DLGAP1: variants seen among roughly 807,000 people sequenced by gnomAD.
DLGAP1 encodes DLG associated protein 1.
In DLGAP1, 11 loss-of-function variants were observed where a neutral mutation model predicts 90.8. That is an observed-to-expected ratio of 0.12 (90% CI 0.08 to 0.20). The LOEUF (loss-of-function observed/expected upper bound fraction) is 0.20, where lower values mean the gene tolerates loss of function less well. Among genes scored for constraint, DLGAP1 ranks in the 10% least tolerant of loss-of-function variants. The pLI is 1.00. For missense variants in DLGAP1, 1,050 were observed against 1,333.8 expected (o/e 0.79, Z 3.31); for synonymous variants, 558 against 540.7 (o/e 1.03, Z -0.44).
rs746554612 is a variant in DLGAP1, at chr18:3,814,033, G to T, written c.1172+26C>A. ...TGATAATACAAGCACCTGGACTATC[G>T]CAAGTGCAGGGTTAGGACTACTCAC... On this transcript the variant is annotated intron_variant, in intron 5 of 12. Transcript: ENST00000315677. The T allele has an allele frequency of 1.9e-6, 3 of 1,604,972 alleles. No homozygotes were observed. In the South Asian group the frequency reaches 3.3e-5, roughly 18 times the overall value.
chr18:3,786,558 C>T (rs182597978), intron 5 of DLGAP1, among the ~76,000 whole-genome samples: 294 of 152,180 alleles, frequency 1.9e-3, no homozygotes, highest in African/African-American at 6.7e-3. Context: ...AGCTATGGTG[C>T]GTGCCAGCAT....
intron 1 of DLGAP1, among the ~76,000 whole-genome samples, chr18:4,190,091 C>T (rs1024596161): frequency 6.6e-6 from 1 of 151,946 alleles, no homozygotes; most frequent in East Asian, 1.9e-4. Flanking sequence ...AAAACCTGCA[C>T]ACGAAAGCTA....
chr18:4,247,098 G>C (rs1265387449), intron 1 of DLGAP1, among the ~76,000 whole-genome samples: 1 of 150,490 alleles, frequency 6.6e-6, no homozygotes, highest in African/African-American at 2.5e-5. Context: ...AGGAAGGGAA[G>C]GAGGAGGAGA....
intron 1 of DLGAP1, among the ~76,000 whole-genome samples, chr18:4,379,545 C>T (rs1266652356): frequency 2.6e-5 from 4 of 152,130 alleles, no homozygotes; most frequent in Admixed American, 6.6e-5. Context: ...GATGCCAACT[C>T]ATACCAATCA....
intron 7 of DLGAP1, among the ~76,000 whole-genome samples, chr18:3,639,162 C>T (rs1469900355): frequency 6.6e-6 from 1 of 152,052 alleles, no homozygotes; most frequent in Admixed American, 6.6e-5. Context: ...TTGAGACCAG[C>T]CTGGCCAACA....
chr18:3,913,369 C>T (rs56720533), intron 3 of DLGAP1, among the ~76,000 whole-genome samples: 13,147 of 152,210 alleles, frequency 0.086, 917 homozygotes, highest in African/African-American at 0.19. Flanking sequence ...GGATTACAGA[C>T]GTGAACCACC....
chr18:4,088,005 TTC>T (rs2075711994), intron 2 of DLGAP1, among the ~76,000 whole-genome samples: 2 of 95,804 alleles, frequency 2.1e-5, no homozygotes, highest in Non-Finnish European at 5.0e-5. Context: ...TTCCCTCTTT[TTC>T]TGTTTTTTTA....
intron 2 of DLGAP1, among the ~76,000 whole-genome samples, chr18:4,145,749 T>C (rs1489272800): frequency 6.6e-6 from 1 of 152,230 alleles, no homozygotes; most frequent in Non-Finnish European, 1.5e-5. Flanking sequence ...ATTTTAGTCA[T>C]TCTGAAATCA....
In DLGAP1 at chr18:3,729,445, C is replaced by A; in HGVS notation, c.1351-70G>T. 12 of 1,548,662 alleles carry A rather than the reference C, an allele frequency of 7.7e-6. No individual in the cohort carries two copies. The highest frequency in any genetic ancestry group is 1.1e-5 in the Non-Finnish European group (12 of 1,142,796). On this transcript the variant is annotated intron_variant, in intron 6 of 12. Transcript: ENST00000315677. The surrounding 1 kb of genome is among the most constrained non-coding windows in gnomAD (Gnocchi z 6.2). ...GAGGATCAACCTCTCCAAGCATCTG[C>A]GAACTTCAATCCCCAGAAGAAAAAG...
intron 9 of DLGAP1, among the ~76,000 whole-genome samples, chr18:3,544,270 T>A (rs1312914560): frequency 1.3e-5 from 2 of 152,100 alleles, no homozygotes; most frequent in African/African-American, 4.8e-5. Flanking sequence ...GTGCTTGCAG[T>A]CCCAGGTACT....
Position 3,578,352 on chromosome 18 carries a change from C to T in DLGAP1, c.1965+3523G>A, listed in dbSNP as rs571710448. On this transcript the variant is annotated intron_variant, in intron 8 of 12. Coordinates refer to ENST00000315677, the MANE Select transcript of DLGAP1 (RefSeq NM_004746.4). ...ATAACGAAATTCAATGAATAGTTTG[C>T]GTCTTTAATTTTTTTTTTTTTTTGA... Among the ~76,000 whole-genome samples, 139 of 151,308 alleles carry T rather than the reference C, an allele frequency of 9.2e-4. 1 individual carries two copies. Among genetic ancestry groups the T allele is most frequent in the African/African-American group, 3.3e-3 (134 of 41,180 alleles).
intron 1 of DLGAP1, among the ~76,000 whole-genome samples, chr18:4,367,249 G>C (rs2588272): frequency 6.6e-6 from 1 of 151,350 alleles, no homozygotes; most frequent in Non-Finnish European, 1.5e-5. Context: ...TATAACTTCA[G>C]AACAGTTAGT....
chr18:4,044,379 A>C (rs923523549), intron 2 of DLGAP1, among the ~76,000 whole-genome samples: 1 of 152,246 alleles, frequency 6.6e-6, no homozygotes, highest in African/African-American at 2.4e-5. Flanking sequence ...CACTCAAATC[A>C]GCACAGAAAA....
Position 3,569,755 on chromosome 18 carries a change from T to C in DLGAP1, c.1966-2174A>G, listed in dbSNP as rs2054656527. On this transcript the variant is annotated intron_variant, in intron 8 of 12. Transcript: ENST00000315677. The stretch of plus-strand genomic sequence containing the variant: ...GGCTCCGTTTATTAACTAATTCGCC[T>C]TTTTTATTTGAGATGCCAGCTTTAT... Among the ~76,000 whole-genome samples the C allele has an allele frequency of 2.0e-5, 3 of 151,996 alleles. No individual in the cohort carries two copies. In the South Asian group the frequency reaches 6.3e-4, roughly 32 times the overall value.
intron 7 of DLGAP1, among the ~76,000 whole-genome samples, chr18:3,630,091 A>G (rs1283891713): frequency 6.6e-6 from 1 of 152,172 alleles, no homozygotes; most frequent in African/African-American, 2.4e-5. Flanking sequence ...TTGGCCAAAT[A>G]TTATTCTGTG....
intron 1 of DLGAP1, among the ~76,000 whole-genome samples, chr18:4,207,667 C>G (rs2077750300): frequency 1.3e-5 from 2 of 152,238 alleles, no homozygotes; most frequent in South Asian, 4.1e-4. Flanking sequence ...TTGGGAGAGG[C>G]CAAACACAGA....
At chr18:3,741,160 C>T (rs1216607007) in intron 6 of DLGAP1, among the ~76,000 whole-genome samples, 4 of 117,346 alleles carry the variant, frequency 3.4e-5, no homozygotes, top group Non-Finnish European at 7.2e-5. Context: ...TCACCACCAC[C>T]ATCACCACCA....
At chr18:3,792,345 G>A (rs2065775937) in intron 5 of DLGAP1, among the ~76,000 whole-genome samples, 1 of 152,114 alleles carries the variant, frequency 6.6e-6, no homozygotes, top group Admixed American at 6.6e-5. Flanking sequence ...GCCAGGCATG[G>A]TGGTGCATGG....
intron 1 of DLGAP1, among the ~76,000 whole-genome samples, chr18:4,289,649 CT>C (rs35868526): frequency 2.0e-5 from 3 of 152,118 alleles, no homozygotes; most frequent in Admixed American, 2.0e-4. Context: ...AGAAAGAAAA[CT>C]TTTTTTCATG....
Sources: allele counts gnomAD v4.1 joint callset (sites outside exome capture counted in the v4.1 genomes callset), GRCh38; gene constraint gnomAD v4.1.1; non-coding constraint Gnocchi (gnomAD v3.1); transcripts MANE v1.5; gene names NCBI Gene and HGNC (gene_info 2026-07-23, HGNC 2026-07-21).